CACNA2D3: variants seen among roughly 807,000 people sequenced by gnomAD.
The protein encoded by CACNA2D3 is voltage-dependent calcium channel subunit alpha-2/delta-3.
In CACNA2D3, 60 loss-of-function variants were observed where a neutral mutation model predicts 160.6. The observed-to-expected ratio is 0.37, with a 90% CI of 0.30 to 0.46. The LOEUF (loss-of-function observed/expected upper bound fraction) is 0.46. Among genes scored for constraint, CACNA2D3 ranks in the 20% least tolerant of loss-of-function variants. The pLI is 1.00. For synonymous variants in CACNA2D3, 558 were observed against 492.9 expected (o/e 1.13, Z -1.75); for missense variants, 1,205 against 1,365.0 (o/e 0.88, Z 1.85).
chr3:54,728,654 T>TCTTC (rs1331655189), intron 11 of CACNA2D3, among the ~76,000 whole-genome samples: 1 of 152,226 alleles, frequency 6.6e-6, no homozygotes, highest in Non-Finnish European at 1.5e-5. Flanking sequence ...GATGTTCTTA[T>TCTTC]CTTCCTCTTA....
intron 14 of CACNA2D3, among the ~76,000 whole-genome samples, chr3:54,823,336 G>GA (rs201295570): frequency 1.3e-5 from 2 of 151,464 alleles, no homozygotes; most frequent in African/African-American, 2.4e-5. Flanking sequence ...GATTATTCAG[G>GA]AAAAAAACAA....
chr3:54,321,295 G>T (rs1703986060), intron 3 of CACNA2D3, among the ~76,000 whole-genome samples: 1 of 150,614 alleles, frequency 6.6e-6, no homozygotes, highest in Non-Finnish European at 1.5e-5. Flanking sequence ...ACTCCAGCCT[G>T]GGTGACAGCG....
intron 5 of CACNA2D3, among the ~76,000 whole-genome samples, chr3:54,549,240 A>G (rs2106680733): frequency 6.6e-6 from 1 of 152,206 alleles, no homozygotes; most frequent in South Asian, 2.1e-4. Flanking sequence ...AGGTCGGGAG[A>G]TCGAGACCAT....
chr3:54,730,217 T>C (rs1319737419), intron 11 of CACNA2D3, among the ~76,000 whole-genome samples: 1 of 152,108 alleles, frequency 6.6e-6, no homozygotes, highest in Non-Finnish European at 1.5e-5. Flanking sequence ...AGCATAGTAA[T>C]GAACAAGACA....
intron 13 of CACNA2D3, among the ~76,000 whole-genome samples, chr3:54,770,687 C>T (rs1702304675): frequency 6.6e-6 from 1 of 152,166 alleles, no homozygotes; most frequent in Admixed American, 6.5e-5. Context: ...CATTCTGGTG[C>T]ACGAAGCATA....
At chr3:54,220,331 T>G (rs981783586) in intron 2 of CACNA2D3, among the ~76,000 whole-genome samples, 8 of 152,192 alleles carry the variant, frequency 5.3e-5, no homozygotes, top group African/African-American at 1.9e-4. Context: ...TTATCTAACA[T>G]TCCCTGTATA....
At chr3:54,799,174 A>G (rs577697447) in intron 13 of CACNA2D3, among the ~76,000 whole-genome samples, 3 of 152,294 alleles carry the variant, frequency 2.0e-5, no homozygotes, top group East Asian at 1.9e-4. Context: ...TCACTGATAT[A>G]TATCATAACA....
chr3:54,418,486 G>A (rs1376823156), intron 4 of CACNA2D3, among the ~76,000 whole-genome samples: 1 of 151,250 alleles, frequency 6.6e-6, no homozygotes. Context: ...AGAATGATGA[G>A]CCACAACACA....
intron 2 of CACNA2D3, among the ~76,000 whole-genome samples, chr3:54,165,767 C>T (rs147219745): frequency 6.6e-6 from 1 of 152,174 alleles, no homozygotes; most frequent in Non-Finnish European, 1.5e-5. Context: ...TACTGCACTC[C>T]AGCTTGGGTG....
intron 11 of CACNA2D3, among the ~76,000 whole-genome samples, chr3:54,714,032 A>G (rs1048750983): frequency 1.2e-4 from 18 of 152,302 alleles, no homozygotes; most frequent in African/African-American, 3.8e-4. Flanking sequence ...ACAAGTGAGC[A>G]GAGGGACAGA....
At chr3:54,474,092 T>A (rs1700785200) in intron 4 of CACNA2D3, among the ~76,000 whole-genome samples, 1 of 152,312 alleles carries the variant, frequency 6.6e-6, no homozygotes, top group Admixed American at 6.5e-5. Context: ...TACAGACATA[T>A]GCACGCATAT....
Position 54,246,582 on chromosome 3 carries a change from A to G in CACNA2D3, c.205-73860A>G, listed in dbSNP as rs1702083973. ...GTTGCGGCTGTCTGTAATCCCAGCT[A>G]CTTGGGAGGCGGCTGTCTGTAATCC... On this transcript the variant is annotated intron_variant, in intron 2 of 37. Coordinates refer to ENST00000474759, the MANE Select transcript of CACNA2D3 (RefSeq NM_018398.3). 1.3e-3 allele frequency among the ~76,000 whole-genome samples: 3 copies of G among 2,268 alleles called. No homozygotes were observed. The South Asian group carries it at 0.041, about 31-fold the overall frequency. 1.5% of individuals were successfully genotyped at this position (2,268 alleles called of 152,430 possible).
chr3:54,891,741 G>A (rs774040857), intron 25 of CACNA2D3, among the ~76,000 whole-genome samples: 17 of 152,130 alleles, frequency 1.1e-4, no homozygotes, highest in South Asian at 1.0e-3. Context: ...GAGGTGGTGC[G>A]GCTGCTGGGG....
chr3:55,022,941 A>G (rs1165506347), intron 35 of CACNA2D3, among the ~76,000 whole-genome samples: 1 of 152,034 alleles, frequency 6.6e-6, no homozygotes, highest in East Asian at 1.9e-4. Flanking sequence ...GCTGCTGCCT[A>G]TAGTAAATAA....
At chr3:55,036,201 C>T (rs1433280116) in intron 35 of CACNA2D3, among the ~76,000 whole-genome samples, 2 of 152,096 alleles carry the variant, frequency 1.3e-5, no homozygotes, top group African/African-American at 4.8e-5. Flanking sequence ...AATCCCAGCA[C>T]TTTGGGAGGC....
At chr3:54,289,184 C>A (rs373299635) in intron 2 of CACNA2D3, among the ~76,000 whole-genome samples, 9 of 152,270 alleles carry the variant, frequency 5.9e-5, no homozygotes, top group South Asian at 2.1e-4. Flanking sequence ...AAATCTCCTT[C>A]AGCTGATAAG....
chr3:54,968,942 C>T (rs1308678821), intron 28 of CACNA2D3, among the ~76,000 whole-genome samples: 1 of 152,086 alleles, frequency 6.6e-6, no homozygotes, highest in Admixed American at 6.5e-5. Context: ...CAGGGTCTAC[C>T]TTGGAGAATC....
intron 35 of CACNA2D3, among the ~76,000 whole-genome samples, chr3:55,035,753 G>A (rs554703798): frequency 3.3e-5 from 5 of 152,282 alleles, no homozygotes; most frequent in South Asian, 2.1e-4. Flanking sequence ...CTTGTTTGCC[G>A]TGTTTGGAAA....
At chr3:54,618,375 GCACACACA>G (rs56788185) in intron 9 of CACNA2D3, among the ~76,000 whole-genome samples, 9 of 115,514 alleles carry the variant, frequency 7.8e-5, no homozygotes, top group Middle Eastern at 5.0e-3. Flanking sequence ...ATATATATAT[GCACACACA>G]CACACACACA....
Sources: gnomAD v4.1 joint callset for allele counts (sites outside exome capture counted in the v4.1 genomes callset) on GRCh38, gnomAD v4.1.1 for gene constraint, MANE v1.5 for transcripts, NCBI Gene and HGNC (gene_info 2026-07-23, HGNC 2026-07-21) for gene names.